The following DCT variants were observed in gnomAD, a reference collection of about 807,000 sequenced individuals.
The protein encoded by DCT is dopachrome tautomerase, also known as L-dopachrome tautomerase.
In DCT, 47 loss-of-function variants were observed where a neutral mutation model predicts 53.0. The observed-to-expected ratio is 0.89, with a 90% confidence interval of 0.70 to 1.13. DCT has a LOEUF of 1.13. Among genes scored for constraint, DCT ranks in the 50% most tolerant of loss-of-function variants. The pLI is 0.00. For missense variants in DCT, 669 were observed against 637.4 expected (o/e 1.05, Z -0.53); for synonymous variants, 244 against 237.0 (o/e 1.03, Z -0.27).
chr13:94,452,182 A>G (rs2139301029), intron 6 of DCT, among the ~76,000 whole-genome samples: 1 of 152,084 alleles, frequency 6.6e-6, no homozygotes, highest in South Asian at 2.1e-4. Flanking sequence ...ACAGGTGCCT[A>G]ACACCACACC....
At chr13:94,441,086 C>G (rs1245426247) in intron 7 of DCT, among the ~76,000 whole-genome samples, 2 of 152,216 alleles carry the variant, frequency 1.3e-5, no homozygotes, top group East Asian at 3.9e-4. Context: ...TTGTTCTATA[C>G]CTTACACTCA....
chr13:94,440,072 T>C lies in DCT; in HGVS notation c.1386A>G (p.Ser462=). The C allele has an allele frequency of 6.2e-7, 1 of 1,612,650 alleles. No individual in the cohort carries two copies. The part of the protein sequence containing the change: ...GYSYAIDLPV[S]VEETPGWPTT... ...TGGGCCAACCTGGAGTTTCTTCAAC[T>C]GAAACTAAAGCAGAAGAGAAGGGTC... The change falls in exon 8 of 8, where the codon TCA becomes TCG. Residue 462 remains serine (S), a synonymous_variant. Coordinates refer to ENST00000377028, the MANE Select transcript of DCT (RefSeq NM_001922.5).
At chr13:94,473,627 C>T (rs550811032) in intron 1 of DCT, among the ~76,000 whole-genome samples, 6 of 152,236 alleles carry the variant, frequency 3.9e-5, no homozygotes, top group East Asian at 1.9e-4. Context: ...TGACAAATGA[C>T]GAAATGATTA....
chr13:94,537,794 C>T, the DCT span, among the ~76,000 whole-genome samples: 1 of 152,202 alleles, frequency 6.6e-6, no homozygotes, highest in South Asian at 2.1e-4. Flanking sequence ...GGCTAGGTGA[C>T]ATAAGATGTG....
chr13:94,483,647 A>C (rs568157630), upstream of DCT, among the ~76,000 whole-genome samples: 1 of 152,108 alleles, frequency 6.6e-6, no homozygotes, highest in East Asian at 1.9e-4. Context: ...GACTACAGGC[A>C]CCCACCACCA....
chr13:94,547,988 T>A, the DCT span, among the ~76,000 whole-genome samples: 1,985 of 85,612 alleles, frequency 0.023, 32 homozygotes, highest in Non-Finnish European at 0.029. Flanking sequence ...AAAAAAAATA[T>A]ATATATATAT....
the DCT span, among the ~76,000 whole-genome samples, chr13:94,488,327 A>AT: frequency 2.0e-5 from 3 of 152,108 alleles, no homozygotes; most frequent in African/African-American, 4.8e-5. Context: ...GGGCTGAAAA[A>AT]ATATATATAT....
At position 94,439,834 on chromosome 13, in the gene DCT, C is replaced by A; in HGVS notation, c.*64G>T. ...AAGAAGGAACAGTGAGGATTAGTTC[C>A]TTTATTGTCAGCGTCAGAACTGTGG... On this transcript the variant is annotated 3_prime_UTR_variant, in exon 8 of 8. Coordinates refer to ENST00000377028, the MANE Select transcript of DCT (RefSeq NM_001922.5). 2 of 1,282,362 alleles carry A rather than the reference C, an allele frequency of 1.6e-6. No individual in the cohort carries two copies. Among genetic ancestry groups the A allele is most frequent in the Non-Finnish European group, 2.2e-6 (2 of 914,960 alleles). The allele number at this position is 1,282,362 out of a possible 1,614,324, so 79.4% of individuals were successfully genotyped here.
the DCT span, among the ~76,000 whole-genome samples, chr13:94,490,393 T>C: frequency 6.6e-6 from 1 of 150,524 alleles, no homozygotes; most frequent in Non-Finnish European, 1.5e-5. Context: ...TAGTCCCAGC[T>C]ACTCATGAGG....
intron 6 of DCT, chr13:94,445,723 A>C: frequency 6.3e-7 from 1 of 1,586,070 alleles, no homozygotes; most frequent in Admixed American, 1.8e-5. Flanking sequence ...GGTTACCAGC[A>C]CATGCAGGGA....
chr13:94,440,301 T>C (rs1219816247), intron 7 of DCT, among the ~76,000 whole-genome samples: 2 of 152,214 alleles, frequency 1.3e-5, no homozygotes, highest in African/African-American at 4.8e-5. Context: ...ATACAGCTTA[T>C]TGCATTTTAA....
At chr13:94,514,685 G>A in the DCT span, among the ~76,000 whole-genome samples, 1 of 152,188 alleles carries the variant, frequency 6.6e-6, no homozygotes, top group Admixed American at 6.5e-5. Context: ...GGGCCTTTCG[G>A]TTCCCTCAAT....
chr13:94,478,981 TGG>T lies in DCT; in HGVS notation c.273_274del (p.Phe91LeufsTer14), dbSNP rs1885284254. 1.2e-6 allele frequency: 2 copies of T among 1,611,460 alleles called. No individual in the cohort carries two copies. Among genetic ancestry groups the T allele is most frequent in the Non-Finnish European group, 1.7e-6 (2 of 1,178,172 alleles). On this transcript the variant is annotated frameshift_variant, in exon 1 of 8. Transcript: ENST00000377028. LOFTEE classifies it high-confidence loss of function. Reference sequence around the variant, plus strand: ...CTCACCTGTGCACTTGCAGGTCCGGTGGAAGAATTTTCTTGGCCACAGCTCAC... The same window carrying T: ...CTCACCTGTGCACTTGCAGGTCCGGTAAGAATTTTCTTGGCCACAGCTCAC...
intron 1 of DCT, among the ~76,000 whole-genome samples, chr13:94,478,146 A>G (rs1360108311): frequency 2.0e-5 from 2 of 102,058 alleles, no homozygotes; most frequent in Non-Finnish European, 4.1e-5. Flanking sequence ...TCTAATAACA[A>G]CCCCCCGCCC....
At chr13:94,473,897 C>T (rs1378569069) in intron 1 of DCT, among the ~76,000 whole-genome samples, 1 of 152,094 alleles carries the variant, frequency 6.6e-6, no homozygotes, top group African/African-American at 2.4e-5. Context: ...CAGTCAGGTC[C>T]CTTTCATTTC....
the DCT span, among the ~76,000 whole-genome samples, chr13:94,500,994 T>C: frequency 6.6e-6 from 1 of 152,184 alleles, no homozygotes; most frequent in Non-Finnish European, 1.5e-5. Context: ...ATAATTGTTC[T>C]TTTATAGATT....
chr13:94,441,267 T>C (rs1021941683), intron 7 of DCT, among the ~76,000 whole-genome samples: 1 of 152,226 alleles, frequency 6.6e-6, no homozygotes, highest in African/African-American at 2.4e-5. Flanking sequence ...TATTCTGCCA[T>C]TTCTTTGTTC....
the DCT span, among the ~76,000 whole-genome samples, chr13:94,488,509 G>A: frequency 6.6e-6 from 1 of 151,976 alleles, no homozygotes; most frequent in East Asian, 1.9e-4. Context: ...GAGCTCAGGA[G>A]TTTGAGACCA....
intron 2 of DCT, chr13:94,467,519 A>G (rs1452542811): frequency 6.6e-6 from 1 of 152,170 alleles, no homozygotes; most frequent in East Asian, 1.9e-4. Flanking sequence ...ATAATTCCTC[A>G]GAGTGATAAC....
Sources: allele counts gnomAD v4.1 joint callset (sites outside exome capture counted in the v4.1 genomes callset), GRCh38; gene constraint gnomAD v4.1.1; transcripts MANE v1.5; gene names NCBI Gene and HGNC (gene_info 2026-07-23, HGNC 2026-07-21).